Variants in CNTNAP5 observed in about 807,000 individuals in gnomAD.
CNTNAP5 encodes the protein contactin-associated protein-like 5.
Under a neutral mutation model 150.2 loss-of-function variants are expected in CNTNAP5, and 72 were observed. The ratio of observed to expected loss-of-function variants is 0.48; its 90% CI spans 0.40 to 0.58. CNTNAP5 has a LOEUF of 0.58. CNTNAP5 is among the 20% of genes least tolerant of loss of function. CNTNAP5 has a pLI of 0.00. For missense variants in CNTNAP5, 1,636 were observed against 1,626.2 expected (o/e 1.01, Z -0.10); for synonymous variants, 672 against 619.8 (o/e 1.08, Z -1.25).
chr2:124,674,509 C>CCCTTTCTTTCTTTCTTTCTTTCTT (rs1553430172), intron 13 of CNTNAP5, among the ~76,000 whole-genome samples: 1 of 115,366 alleles, frequency 8.7e-6, no homozygotes, highest in African/African-American at 3.1e-5. Context: ...TTCTTTCTTT[C>CCCTTTCTTTCTTTCTTTCTTTCTT]TCTTTCTTTC....
intron 3 of CNTNAP5, among the ~76,000 whole-genome samples, chr2:124,322,726 T>C (rs1178518496): frequency 1.3e-5 from 2 of 152,170 alleles, no homozygotes; most frequent in Non-Finnish European, 2.9e-5. Flanking sequence ...CTTGGGCAGT[T>C]AGAGTTTTCT....
At chr2:124,763,542 C>T (rs1380846600) in intron 14 of CNTNAP5, 130 bp from the exon 15 acceptor site, 1 of 750,552 alleles carries the variant, frequency 1.3e-6, no homozygotes, top group East Asian at 2.7e-5. Flanking sequence ...GAAAGGCCTT[C>T]TGTTTTCCCC....
intron 3 of CNTNAP5, among the ~76,000 whole-genome samples, chr2:124,348,655 A>G (rs902071135): frequency 1.3e-5 from 2 of 152,188 alleles, no homozygotes; most frequent in African/African-American, 4.8e-5. Context: ...GTAACATCCA[A>G]TTTGGCACAT....
Position 124,918,922 on chromosome 2 carries a change from A to G in CNTNAP5, c.*4634A>G, listed in dbSNP as rs1024899187. Among the ~76,000 whole-genome samples the G allele has an allele frequency of 6.6e-6, 1 of 152,092 alleles. No homozygotes were observed. The highest frequency in any genetic ancestry group is 2.4e-5 in the African/African-American group (1 of 41,440). On this transcript the variant is annotated 3_prime_UTR_variant, in exon 24 of 24. Coordinates refer to ENST00000682447, the MANE Select transcript of CNTNAP5 (RefSeq NM_001367498.1). Reference sequence around the variant, plus strand: ...CTATTTTCTGTCTCATGCAGTTTGAACATGTTTTCTTTAAAATACACATAA... The same window carrying G: ...CTATTTTCTGTCTCATGCAGTTTGAGCATGTTTTCTTTAAAATACACATAA...
chr2:124,752,281 C>T (rs911872905), intron 14 of CNTNAP5, among the ~76,000 whole-genome samples: 3 of 152,036 alleles, frequency 2.0e-5, no homozygotes, highest in Non-Finnish European at 4.4e-5. Context: ...TCTTGAACTC[C>T]TGGGTTCAAG....
intron 23 of CNTNAP5, 144 bp downstream of exon 23, chr2:124,911,682 T>C (rs1678658653): frequency 1.5e-6 from 1 of 669,288 alleles, no homozygotes; most frequent in South Asian, 1.7e-5. Context: ...TTTTCATGAG[T>C]AGTCCTGTGT....
At chr2:124,825,404 T>C (rs1682572133) in intron 19 of CNTNAP5, among the ~76,000 whole-genome samples, 1 of 152,194 alleles carries the variant, frequency 6.6e-6, no homozygotes, top group African/African-American at 2.4e-5. Flanking sequence ...AAAGTCCCAT[T>C]TAAACTGACT....
chr2:124,912,781 C>T (rs1031042212), intron 23 of CNTNAP5, among the ~76,000 whole-genome samples: 2 of 151,956 alleles, frequency 1.3e-5, no homozygotes, highest in South Asian at 2.1e-4. Context: ...GTCATCTGAC[C>T]CCCTAGGAAA....
chr2:124,905,131 T>G (rs1678508508), intron 22 of CNTNAP5, among the ~76,000 whole-genome samples: 1 of 147,546 alleles, frequency 6.8e-6, no homozygotes, highest in Admixed American at 6.7e-5. Context: ...TTTTTGTTTT[T>G]TTTTTTTTCC....
intron 1 of CNTNAP5, among the ~76,000 whole-genome samples, chr2:124,098,055 A>C (rs555602607): frequency 6.6e-6 from 1 of 152,286 alleles, no homozygotes; most frequent in African/African-American, 2.4e-5. Context: ...AGATAAAAAA[A>C]CAAAAAAGCC....
intron 6 of CNTNAP5, among the ~76,000 whole-genome samples, chr2:124,459,618 G>A (rs918778874): frequency 2.0e-5 from 3 of 151,920 alleles, no homozygotes; most frequent in African/African-American, 7.3e-5. Context: ...TGGGCATGGT[G>A]CACACGCCTG....
At chr2:124,559,477 A>G (rs13389194) in intron 10 of CNTNAP5, among the ~76,000 whole-genome samples, 11 of 152,218 alleles carry the variant, frequency 7.2e-5, no homozygotes, top group African/African-American at 2.7e-4. Flanking sequence ...TTTGTTAAAC[A>G]TTGTGCACCA....
intron 9 of CNTNAP5, among the ~76,000 whole-genome samples, chr2:124,525,922 A>C (rs76253916): frequency 2.4e-3 from 367 of 152,352 alleles, no homozygotes; most frequent in African/African-American, 8.4e-3. Flanking sequence ...ACAGCCCACC[A>C]GTGAAAACAG....
At chr2:124,566,869 T>C (rs748053626) in intron 11 of CNTNAP5, among the ~76,000 whole-genome samples, 18 of 152,146 alleles carry the variant, frequency 1.2e-4, no homozygotes, top group Non-Finnish European at 1.8e-4. Context: ...GCTTCTGCAG[T>C]GCAGAAGATG....
At chr2:124,636,090 A>G (rs897073664) in intron 12 of CNTNAP5, among the ~76,000 whole-genome samples, 2 of 152,094 alleles carry the variant, frequency 1.3e-5, no homozygotes, top group Non-Finnish European at 2.9e-5. Flanking sequence ...GAAAGTCACA[A>G]TTTTTATGCT....
chr2:124,338,461 G>A (rs1054897543), intron 3 of CNTNAP5, among the ~76,000 whole-genome samples: 1 of 152,088 alleles, frequency 6.6e-6, no homozygotes, highest in Non-Finnish European at 1.5e-5. Flanking sequence ...TTCTATAAGG[G>A]CCTTTTGTTA....
At chr2:124,452,805 C>A (rs530699106) in intron 6 of CNTNAP5, among the ~76,000 whole-genome samples, 9 of 152,202 alleles carry the variant, frequency 5.9e-5, no homozygotes, top group Admixed American at 3.3e-4. Flanking sequence ...TCTCAGGAAG[C>A]CACATCCCTA....
At chr2:124,901,199 C>T (rs143043248) in intron 21 of CNTNAP5, among the ~76,000 whole-genome samples, 1 of 151,552 alleles carries the variant, frequency 6.6e-6, no homozygotes, top group Non-Finnish European at 1.5e-5. Flanking sequence ...AAATCTCAGA[C>T]CTGAAGTTGT....
chr2:124,287,331 C>T (rs1688180647), intron 3 of CNTNAP5, among the ~76,000 whole-genome samples: 1 of 152,102 alleles, frequency 6.6e-6, no homozygotes, highest in Non-Finnish European at 1.5e-5. Context: ...GGCCAGTATG[C>T]CGGGTGCTAA....
Sources: gnomAD v4.1 joint callset for allele counts (sites outside exome capture counted in the v4.1 genomes callset) on GRCh38, gnomAD v4.1.1 for gene constraint, MANE v1.5 for transcripts, NCBI Gene and HGNC (gene_info 2026-07-23, HGNC 2026-07-21) for gene names.